Variants in GALNT2 observed in about 807,000 individuals in gnomAD.
GALNT2 encodes polypeptide N-acetylgalactosaminyltransferase 2.
In GALNT2, 31 loss-of-function variants were observed where a neutral mutation model predicts 81.4. That is an observed-to-expected ratio of 0.38 (90% CI 0.29 to 0.51). The LOEUF (loss-of-function observed/expected upper bound fraction) is 0.51. GALNT2 is among the 20% of genes least tolerant of loss of function. The probability of loss-of-function intolerance (pLI) is 0.87; values close to 1 mark genes in which losing one functional copy is unlikely to be tolerated. For missense variants in GALNT2, 629 were observed against 765.7 expected (o/e 0.82, Z 2.11); for synonymous variants, 303 against 287.4 (o/e 1.05, Z -0.55).
chr1:230,226,217 A>G (rs568785181), intron 3 of GALNT2, among the ~76,000 whole-genome samples: 2 of 152,314 alleles, frequency 1.3e-5, no homozygotes, highest in South Asian at 4.1e-4. Context: ...CAGTGAAACA[A>G]CAGACCTTCC....
intron 2 of GALNT2, among the ~76,000 whole-genome samples, chr1:230,199,310 C>T (rs1299064778): frequency 1.3e-5 from 2 of 152,174 alleles, no homozygotes; most frequent in Admixed American, 6.5e-5. Context: ...CGTGTGCCCT[C>T]TGCAAACCTT....
At chr1:230,210,494 G>A (rs571330084) in intron 3 of GALNT2, among the ~76,000 whole-genome samples, 2 of 152,256 alleles carry the variant, frequency 1.3e-5, no homozygotes, top group Non-Finnish European at 2.9e-5. Context: ...AAACATTTTT[G>A]TGTCTCACGC....
intron 3 of GALNT2, 33 bp from the exon 4 acceptor site, chr1:230,235,981 A>G (rs751653048): frequency 3.1e-6 from 5 of 1,604,540 alleles, no homozygotes; most frequent in Non-Finnish European, 4.3e-6. Context: ...TCTGGGGGTC[A>G]TTGTTCAGAG....
chr1:230,240,476 C>A (rs920825353), intron 6 of GALNT2, among the ~76,000 whole-genome samples: 1 of 152,154 alleles, frequency 6.6e-6, no homozygotes, highest in Non-Finnish European at 1.5e-5. Context: ...CCTGTAGTCC[C>A]AGCTACTCGG....
At chr1:230,103,187 G>A (rs1367636171) in intron 1 of GALNT2, among the ~76,000 whole-genome samples, 1 of 152,166 alleles carries the variant, frequency 6.6e-6, no homozygotes, top group Non-Finnish European at 1.5e-5. Context: ...GACAGTTGTG[G>A]TCCTTTCATG....
intron 1 of GALNT2, among the ~76,000 whole-genome samples, chr1:230,075,066 T>C (rs1316325023): frequency 6.9e-6 from 1 of 145,066 alleles, no homozygotes; most frequent in African/African-American, 2.5e-5. Context: ...CTGGAAGGCA[T>C]CTTGGAGCAG....
At chr1:230,265,198 G>A (rs1387259376) in intron 13 of GALNT2, 43 bp from the exon 14 acceptor site, 1 of 1,612,910 alleles carries the variant, frequency 6.2e-7, no homozygotes, top group Non-Finnish European at 8.5e-7. Context: ...GGGAGCTGGT[G>A]GTCATGTGCA....
At chr1:230,108,841 T>TCCGA (rs60715998) in intron 1 of GALNT2, among the ~76,000 whole-genome samples, 32,074 of 151,856 alleles carry the variant, frequency 0.21, 3,376 homozygotes, top group East Asian at 0.37. Flanking sequence ...TCAGAGACTA[T>TCCGA]CCGACCGCAT....
intron 2 of GALNT2, among the ~76,000 whole-genome samples, chr1:230,190,653 C>T (rs887630593): frequency 1.3e-5 from 2 of 152,310 alleles, no homozygotes; most frequent in African/African-American, 2.4e-5. Context: ...TCTCTCTTCT[C>T]TCCTGAAACG....
At chr1:230,262,723 G>T in intron 12 of GALNT2, 58 bp downstream of exon 12, 2 of 1,293,632 alleles carry the variant, frequency 1.5e-6, no homozygotes, top group South Asian at 1.2e-5. Flanking sequence ...GTGGGGGTGG[G>T]AGGTAAGGGG....
At chr1:230,227,988 G>T (rs1664765365) in intron 3 of GALNT2, among the ~76,000 whole-genome samples, 1 of 152,130 alleles carries the variant, frequency 6.6e-6, no homozygotes, top group Non-Finnish European at 1.5e-5. Flanking sequence ...CTGACTATCA[G>T]AACAAATAAG....
chr1:230,194,809 G>A (rs980904637), intron 2 of GALNT2, among the ~76,000 whole-genome samples: 4 of 152,202 alleles, frequency 2.6e-5, no homozygotes, highest in East Asian at 1.9e-4. Flanking sequence ...AGCAGCTTCC[G>A]GGCTGGGCCC....
At chr1:230,058,785 T>C (rs1473563817) in intron 1 of GALNT2, among the ~76,000 whole-genome samples, 1 of 152,166 alleles carries the variant, frequency 6.6e-6, no homozygotes, top group African/African-American at 2.4e-5. Flanking sequence ...TGGTTAACAC[T>C]GTCCCCGGGG....
chr1:230,112,948 T>A (rs1660747205), intron 1 of GALNT2, among the ~76,000 whole-genome samples: 1 of 152,168 alleles, frequency 6.6e-6, no homozygotes, highest in African/African-American at 2.4e-5. Flanking sequence ...GTCCTGGATT[T>A]TGTTCTGGGC....
chr1:230,202,562 T>G (rs1026917783), intron 2 of GALNT2, among the ~76,000 whole-genome samples: 8 of 152,216 alleles, frequency 5.3e-5, no homozygotes, highest in African/African-American at 1.9e-4. Flanking sequence ...TGAGGACACC[T>G]CTGAGAGCCA....
intron 1 of GALNT2, among the ~76,000 whole-genome samples, chr1:230,112,647 C>G (rs4359040): frequency 2.0e-5 from 3 of 152,206 alleles, no homozygotes; most frequent in Non-Finnish European, 4.4e-5. Flanking sequence ...GGCCTTTTCT[C>G]TTGTTTGTGG....
chr1:230,094,529 T>G (rs1660188490), intron 1 of GALNT2, among the ~76,000 whole-genome samples: 1 of 152,018 alleles, frequency 6.6e-6, no homozygotes. Context: ...TCCCAGCTAC[T>G]TGGGAGGCTG....
rs148414409 is a variant in GALNT2, at chr1:230,074,971, C to G, written c.126+7565C>G. On this transcript the variant is annotated intron_variant, in intron 1 of 15. Coordinates refer to ENST00000366672, the MANE Select transcript of GALNT2 (RefSeq NM_004481.5). ...GGGTTTCTGCCAGCCAGCAGTGAAC[C>G]TGGCTTGCTCCTGCTCCCTGGGCCT... Among the ~76,000 whole-genome samples, 746 of 152,344 alleles carry G rather than the reference C, an allele frequency of 4.9e-3. 6 individuals are homozygous for G. Among genetic ancestry groups the G allele is most frequent in the Non-Finnish European group, 6.3e-3 (431 of 68,022 alleles).
chr1:230,271,836 G>A lies in GALNT2; in HGVS notation c.1441-2609G>A, dbSNP rs939312002. ...CATCCCGGAGTGCAAGGACTTTGAC[G>A]GAGGCCTCATCACATGGGCATGATC... On this transcript the variant is annotated intron_variant, in intron 14 of 15. Transcript: ENST00000366672. This position sits in a 1 kb window ranked among gnomAD's most constrained non-coding sequence, Gnocchi z 4.2. 3.9e-5 allele frequency among the ~76,000 whole-genome samples: 6 copies of A among 152,308 alleles called. No individual in the cohort carries two copies. Among genetic ancestry groups the A allele is most frequent in the South Asian group, 4.1e-4 (2 of 4,826 alleles).
Sources: gnomAD v4.1 joint callset for allele counts (sites outside exome capture counted in the v4.1 genomes callset) on GRCh38, gnomAD v4.1.1 for gene constraint, Gnocchi (gnomAD v3.1) non-coding constraint, MANE v1.5 for transcripts, NCBI Gene and HGNC (gene_info 2026-07-23, HGNC 2026-07-21) for gene names.